BCL9: variants seen among roughly 807,000 people sequenced by gnomAD.
The protein encoded by BCL9 is BCL9 transcription coactivator, also known as B-cell CLL/lymphoma 9 protein.
BCL9 carries 25 observed loss-of-function variants against 88.5 expected under a neutral mutation model. The observed-to-expected ratio is 0.28, with a 90% CI of 0.21 to 0.39. The LOEUF (loss-of-function observed/expected upper bound fraction) is 0.39, where lower values mean the gene tolerates loss of function less well. Ranked by LOEUF, BCL9 falls within the 10% of genes least tolerant of loss-of-function variation. BCL9 has a pLI of 1.00. For missense variants in BCL9, 1,817 were observed against 1,877.8 expected, an observed-to-expected ratio of 0.97 and a Z score of 0.60; for synonymous variants, 711 against 673.3, an observed-to-expected ratio of 1.06 and a Z score of -0.87.
intron 3 of BCL9, among the ~76,000 whole-genome samples, chr1:147,607,759 T>C (rs1453694950): frequency 1.3e-5 from 2 of 152,118 alleles, no homozygotes; most frequent in Admixed American, 6.5e-5. Flanking sequence ...TATTAAGATA[T>C]GGAAAACTGA....
In BCL9 at chr1:147,624,834, G is replaced by A. The variant is rs202068938; in HGVS notation, c.4156G>A (p.Gly1386Ser). 40 of 1,614,016 alleles carry A rather than the reference G, an allele frequency of 2.5e-5. No homozygotes were observed. Among genetic ancestry groups the A allele is most frequent in the Non-Finnish European group, 3.3e-5 (39 of 1,180,026 alleles). Reference sequence around the variant, plus strand: ...TCCAGGCATGATGATGTCCATGCAGGGCATGATGGGACCCCAACAGAACAT... The same window carrying A: ...TCCAGGCATGATGATGTCCATGCAGAGCATGATGGGACCCCAACAGAACAT... Reference protein sequence around the residue: ...GSPGMMMSMQGMMGPQQNIMI... With the variant: ...GSPGMMMSMQSMMGPQQNIMI... Residue 1386 changes from glycine to serine, a missense_variant, in exon 10 of 10, where the codon GGC becomes AGC. Coordinates refer to ENST00000234739, the MANE Select transcript of BCL9 (RefSeq NM_004326.4). The surrounding 1 kb of genome is among the most constrained non-coding windows in gnomAD (Gnocchi z 4.4).
intron 3 of BCL9, among the ~76,000 whole-genome samples, chr1:147,611,295 C>T (rs1479060590): frequency 6.6e-6 from 1 of 152,166 alleles, no homozygotes; most frequent in Admixed American, 6.5e-5. Context: ...GAATACATAG[C>T]TAAAGAGAAA....
rs1658515266 is a variant in BCL9, at chr1:147,619,860, A to G, written c.1705A>G (p.Ile569Val). Residue 569 changes from isoleucine (I) to valine (V), a missense_variant, in exon 8 of 10, where the codon ATA (isoleucine) becomes GTA (valine). By Grantham distance (29) the Ile-to-Val change is conservative. Transcript: ENST00000234739. The surrounding 1 kb of genome is among the most constrained non-coding windows in gnomAD (Gnocchi z 4.1). ...GCGCCTCCCTGGATTTGCAGGCATG[A>G]TAAACTCTGAAATGGAAGGGCCGAA... is the stretch of plus-strand genomic sequence containing the variant. The part of the protein sequence containing the change: ...QMRLPGFAGM[I>V]NSEMEGPNVP... 2 of 1,613,824 alleles carry G rather than the reference A, an allele frequency of 1.2e-6. No individual in the cohort carries two copies. The highest frequency in any genetic ancestry group is 1.1e-5 in the South Asian group (1 of 91,086).
intron 1 of BCL9, among the ~76,000 whole-genome samples, chr1:147,602,013 G>A (rs1429376636): frequency 2.0e-5 from 3 of 150,560 alleles, no homozygotes; most frequent in African/African-American, 4.9e-5. Flanking sequence ...CTATTCTCCT[G>A]CCTCAGCCTC....
chr1:147,576,902 G>A (rs2101541344), intron 1 of BCL9, among the ~76,000 whole-genome samples: 1 of 152,216 alleles, frequency 6.6e-6, no homozygotes, highest in Non-Finnish European at 1.5e-5. Flanking sequence ...TAGGTTTGCA[G>A]AATCTATCCG....
chr1:147,594,994 C>T (rs587755965), intron 1 of BCL9, among the ~76,000 whole-genome samples: 4 of 152,254 alleles, frequency 2.6e-5, no homozygotes, highest in African/African-American at 4.8e-5. Flanking sequence ...GAGTGAGCAG[C>T]GTCCTTCAGA....
intron 1 of BCL9, among the ~76,000 whole-genome samples, chr1:147,595,002 A>G (rs1553200316): frequency 6.6e-5 from 10 of 152,260 alleles, no homozygotes. Flanking sequence ...AGCGTCCTTC[A>G]GAGGTGAGAT....
At chr1:147,614,189 T>G (rs1225179576) in intron 5 of BCL9, among the ~76,000 whole-genome samples, 3 of 152,128 alleles carry the variant, frequency 2.0e-5, no homozygotes, top group Non-Finnish European at 2.9e-5. Flanking sequence ...AGAAGGGACA[T>G]TTACACTAAT....
At chr1:147,601,739 T>C (rs143354985) in intron 1 of BCL9, among the ~76,000 whole-genome samples, 224 of 152,318 alleles carry the variant, frequency 1.5e-3, no homozygotes, top group African/African-American at 5.1e-3. Flanking sequence ...GACATCCTTA[T>C]TCACTATTGA....
At position 147,618,822 on chromosome 1, in the gene BCL9, C is replaced by G. The variant is rs782388287; in HGVS notation, c.667C>G (p.Gln223Glu). ...TERSTAPLNT[Q>E]ISALRNDPKP... ...ACTATTTGTTTGTCTTCAGAACACA[C>G]AGATATCTGCCCTTCGGAATGATCC... Residue 223 changes from glutamine to glutamate, a missense_variant, in exon 8 of 10, where the codon CAG becomes GAG. By Grantham distance (29) the Gln-to-Glu change is conservative (BLOSUM62 2). Coordinates refer to ENST00000234739, the MANE Select transcript of BCL9 (RefSeq NM_004326.4). 3 of 1,538,962 alleles carry G rather than the reference C, an allele frequency of 1.9e-6. No homozygotes were observed. Among genetic ancestry groups the G allele is most frequent in the Non-Finnish European group, 2.6e-6 (3 of 1,145,140 alleles).
intron 1 of BCL9, among the ~76,000 whole-genome samples, chr1:147,577,187 C>G (rs1353167780): frequency 6.6e-6 from 1 of 151,948 alleles, no homozygotes; most frequent in African/African-American, 2.4e-5. Context: ...CTTACGATAC[C>G]CAAGGAGTAC....
chr1:147,615,897 C>T lies in BCL9; in HGVS notation c.655C>T (p.Pro219Ser), dbSNP rs782042986. 13 of 1,611,480 alleles carry T rather than the reference C, an allele frequency of 8.1e-6. No individual in the cohort carries two copies. In the East Asian group the frequency reaches 8.9e-5, roughly 11 times the overall value. The change falls in exon 7 of 10, where the codon CCT (proline) becomes TCT (serine). Residue 219 changes from proline (P) to serine (S), a missense_variant. Physicochemically the swap from Pro to Ser is moderately conservative, Grantham distance 74. Coordinates refer to ENST00000234739, the MANE Select transcript of BCL9 (RefSeq NM_004326.4). Reference protein sequence around the residue: ...SNNKTERSTAPLNTQISALRN... With the variant: ...SNNKTERSTASLNTQISALRN... ...CAACAAGACAGAGAGAAGCACAGCG[C>T]CTCTGGTATGTTGTTTCAGAAACTG...
chr1:147,545,459 T>G (rs1458099257), intron 1 of BCL9, among the ~76,000 whole-genome samples: 5 of 152,108 alleles, frequency 3.3e-5, no homozygotes, highest in African/African-American at 1.2e-4. Context: ...AAAACGAGGA[T>G]CTGGTCAGAG....
In BCL9 at chr1:147,620,929, C is replaced by T. The variant is rs782696101; in HGVS notation, c.2774C>T (p.Ser925Leu). 1 of 1,614,194 alleles carries T rather than the reference C, an allele frequency of 6.2e-7. No homozygotes were observed. Among genetic ancestry groups the T allele is most frequent in the Non-Finnish European group, 8.5e-7 (1 of 1,180,042 alleles). The change falls in exon 8 of 10, where the codon TCA (serine) becomes TTA (leucine). Residue 925 changes from serine to leucine, a missense_variant. Physicochemically the swap from Ser to Leu is moderately radical, Grantham distance 145. Transcript: ENST00000234739. Reference protein sequence around the residue: ...AASPVHLKSPSLPAPSPGWTS... With the variant: ...AASPVHLKSPLLPAPSPGWTS... Reference sequence around the variant, plus strand: ...TCACCTGTCCACCTCAAGTCTCCATCACTTCCTGCCCCGTCACCTGGATGG... The same window carrying T: ...TCACCTGTCCACCTCAAGTCTCCATTACTTCCTGCCCCGTCACCTGGATGG...
chr1:147,566,482 G>A (rs1553196689), intron 1 of BCL9, among the ~76,000 whole-genome samples: 1 of 151,836 alleles, frequency 6.6e-6, no homozygotes, highest in African/African-American at 2.4e-5. Context: ...ATGGCCAGGC[G>A]CGGTGGCTCA....
intron 1 of BCL9, among the ~76,000 whole-genome samples, chr1:147,550,360 G>A (rs1654833606): frequency 3.3e-5 from 5 of 152,070 alleles, no homozygotes; most frequent in African/African-American, 9.7e-5. Flanking sequence ...TGGAAGTCTA[G>A]GAAATTAAGG....
chr1:147,607,570 G>A lies in BCL9; in HGVS notation c.-260+704G>A, dbSNP rs115643515. 1.3e-3 allele frequency among the ~76,000 whole-genome samples: 200 copies of A among 152,322 alleles called. 1 individual carries two copies. The highest frequency in any genetic ancestry group is 4.7e-3 in the African/African-American group (196 of 41,582). On this transcript the variant is annotated intron_variant, in intron 3 of 9. Transcript: ENST00000234739. ...AAAAGAATGTAATAGAAAATTTTAT[G>A]TAGATTGATGGCATTAAGGGATTCT...
rs1654323541 is a variant in BCL9, at chr1:147,541,646, A to T, written c.-506A>T. On this transcript the variant is annotated 5_prime_UTR_variant, in exon 1 of 10. It removes the in-frame stop codon of an upstream open reading frame in the 5' UTR. Transcript: ENST00000234739. ...CTTTCCCCCCTCAGTTTCTGAAATG[A>T]TTCTCCAGAATTTCTCCTCATAAAA... 1 of 151,840 alleles carries T rather than the reference A, an allele frequency of 6.6e-6. No individual in the cohort carries two copies. The highest frequency in any genetic ancestry group is 1.5e-5 in the Non-Finnish European group (1 of 67,998). 9.4% of individuals were successfully genotyped at this position (151,840 alleles called of 1,614,324 possible). A position where few individuals can be genotyped will look rare whatever the true frequency, so the allele number is the denominator to read the frequency against.
intron 1 of BCL9, among the ~76,000 whole-genome samples, chr1:147,594,148 T>C (rs1317608106): frequency 1.3e-5 from 2 of 152,320 alleles, no homozygotes; most frequent in Admixed American, 6.5e-5. Flanking sequence ...TCACGAATTA[T>C]GTAAAAAATG....
Sources: gnomAD v4.1 joint callset for allele counts (sites outside exome capture counted in the v4.1 genomes callset) on GRCh38, gnomAD v4.1.1 for gene constraint, Gnocchi (gnomAD v3.1) non-coding constraint, MANE v1.5 for transcripts, NCBI Gene and HGNC (gene_info 2026-07-23, HGNC 2026-07-21) for gene names.